The following HS6ST1 variants were observed in gnomAD, a reference collection of about 807,000 sequenced individuals.
The protein encoded by HS6ST1 is heparan-sulfate 6-O-sulfotransferase 1.
Under a neutral mutation model 25.2 loss-of-function variants are expected in HS6ST1, and 3 were observed. The observed-to-expected ratio is 0.12, with a 90% CI of 0.05 to 0.31. HS6ST1 has a LOEUF of 0.31. HS6ST1 is among the 10% of genes least tolerant of loss of function. The pLI, the probability that HS6ST1 is intolerant of heterozygous loss-of-function variation, is 1.00. For missense variants in HS6ST1, 310 were observed against 609.6 expected (o/e 0.51, Z 5.18); for synonymous variants, 204 against 275.1 (o/e 0.74, Z 2.56).
chr2:128,315,608 C>T (rs1437418671), intron 1 of HS6ST1, among the ~76,000 whole-genome samples: 3 of 152,204 alleles, frequency 2.0e-5, no homozygotes, highest in Non-Finnish European at 4.4e-5. Flanking sequence ...TAACATGAGG[C>T]ACCCCAGCAG....
chr2:128,299,965 CCGGG>C (rs1396030827), intron 1 of HS6ST1, among the ~76,000 whole-genome samples: 1 of 152,158 alleles, frequency 6.6e-6, no homozygotes, highest in Non-Finnish European at 1.5e-5. Context: ...CACCTCCAGG[CCGGG>C]GTCTTGCCAG....
Position 128,268,971 on chromosome 2 carries a change from T to C in HS6ST1, c.528-101A>G, listed in dbSNP as rs946328581. On this transcript the variant is annotated intron_variant, in intron 1 of 1. Transcript: ENST00000259241. ...AGTCCCCACTACAGGAGTTTGGGCTTCGCCTCTAATGCCAACCAACTCCTG... is the reference window on the plus strand; with the variant it reads ...AGTCCCCACTACAGGAGTTTGGGCTCCGCCTCTAATGCCAACCAACTCCTG... The C allele has an allele frequency of 4.2e-6, 4 of 963,014 alleles. No homozygotes were observed. The African/African-American group carries it at 6.4e-5, about 15-fold the overall frequency. 59.7% of individuals were successfully genotyped at this position (963,014 alleles called of 1,614,324 possible). A position where few individuals can be genotyped will look rare whatever the true frequency, so the allele number is the denominator to read the frequency against.
intron 1 of HS6ST1, among the ~76,000 whole-genome samples, chr2:128,311,476 G>A (rs1000309956): frequency 9.9e-5 from 15 of 152,162 alleles, no homozygotes; most frequent in Non-Finnish European, 1.3e-4. Flanking sequence ...CCCAGAGCTC[G>A]GCTTCTCATG....
At chr2:128,269,999 G>A (rs1693588210) in intron 1 of HS6ST1, among the ~76,000 whole-genome samples, 1 of 152,204 alleles carries the variant, frequency 6.6e-6, no homozygotes, top group African/African-American at 2.4e-5. Context: ...CTGCAGGGAG[G>A]GAGGCACAGT....
intron 1 of HS6ST1, among the ~76,000 whole-genome samples, chr2:128,307,421 G>A (rs1480054945): frequency 6.6e-6 from 1 of 152,248 alleles, no homozygotes; most frequent in African/African-American, 2.4e-5. Flanking sequence ...AAGATGGGAT[G>A]TACCTGGGCC....
intron 1 of HS6ST1, among the ~76,000 whole-genome samples, chr2:128,275,558 T>TA (rs1222522035): frequency 6.6e-6 from 1 of 152,126 alleles, no homozygotes; most frequent in African/African-American, 2.4e-5. Flanking sequence ...TGAATTACTT[T>TA]AAAAAAATTA....
intron 1 of HS6ST1, among the ~76,000 whole-genome samples, chr2:128,288,895 C>T (rs577980824): frequency 7.2e-4 from 110 of 152,206 alleles, no homozygotes; most frequent in Non-Finnish European, 1.3e-3. Flanking sequence ...CCAGGCTCCA[C>T]CTCCTGCTGA....
At chr2:128,276,719 C>A (rs912753527) in intron 1 of HS6ST1, among the ~76,000 whole-genome samples, 1 of 152,128 alleles carries the variant, frequency 6.6e-6, no homozygotes, top group Non-Finnish European at 1.5e-5. Flanking sequence ...GCCCAGCTGG[C>A]CTTCCAGGTG....
In HS6ST1 at chr2:128,318,303, G is replaced by A. The variant is rs200979099; in HGVS notation, c.261C>T (p.Asp87=). The A allele has an allele frequency of 4.2e-5, 58 of 1,378,488 alleles. No individual in the cohort carries two copies. Among genetic ancestry groups the A allele is most frequent in the Non-Finnish European group, 5.5e-5 (55 of 994,054 alleles). The allele number at this position is 1,378,488 out of a possible 1,614,324, so 85.4% of individuals were successfully genotyped here. ...RSLRFDMKGD[D]VIVFLHIQKT... ...TCTGGATGTGCAGGAAGACGATCAC[G>A]TCGTCGCCCTTCATGTCGAAGCGCA... Residue 87 remains aspartate (D), a synonymous_variant, in exon 1 of 2, where the codon GAC becomes GAT. Transcript: ENST00000259241. This position sits in a 1 kb window ranked among gnomAD's most constrained non-coding sequence, Gnocchi z 5.7.
chr2:128,280,823 G>A (rs1558871106), intron 1 of HS6ST1, among the ~76,000 whole-genome samples: 1 of 152,334 alleles, frequency 6.6e-6, no homozygotes, highest in East Asian at 1.9e-4. Context: ...TTCCTGGGAA[G>A]GCTGTGCTGC....
chr2:128,304,530 C>G (rs1429574285), intron 1 of HS6ST1, among the ~76,000 whole-genome samples: 1 of 85,484 alleles, frequency 1.2e-5, no homozygotes, highest in Non-Finnish European at 2.3e-5. Flanking sequence ...TCGGAGGCTG[C>G]CTTGCTAATG....
intron 1 of HS6ST1, among the ~76,000 whole-genome samples, chr2:128,301,927 C>T (rs529283684): frequency 1.2e-4 from 19 of 152,318 alleles, no homozygotes; most frequent in African/African-American, 4.1e-4. Context: ...CTAGTGGGAA[C>T]AGCTCAGAGG....
chr2:128,306,211 C>A (rs1349279778), intron 1 of HS6ST1, among the ~76,000 whole-genome samples: 1 of 152,236 alleles, frequency 6.6e-6, no homozygotes, highest in African/African-American at 2.4e-5. Context: ...CTCCGCTCCT[C>A]AGCAGGGCTA....
At chr2:128,310,840 A>G (rs983415802) in intron 1 of HS6ST1, among the ~76,000 whole-genome samples, 7 of 152,140 alleles carry the variant, frequency 4.6e-5, no homozygotes, top group Non-Finnish European at 7.3e-5. Context: ...GAACAAAGAG[A>G]TTAGGCCACA....
chr2:128,312,023 CCTT>C (rs764280359), intron 1 of HS6ST1, among the ~76,000 whole-genome samples: 1 of 152,258 alleles, frequency 6.6e-6, no homozygotes, highest in Non-Finnish European at 1.5e-5. Context: ...TGATGCCTGT[CCTT>C]CTGCTCTGAG....
At chr2:128,310,161 G>A (rs1284427975) in intron 1 of HS6ST1, among the ~76,000 whole-genome samples, 4 of 152,216 alleles carry the variant, frequency 2.6e-5, no homozygotes, top group Admixed American at 2.0e-4. Context: ...CCAACACACA[G>A]CCCAGGGCCT....
intron 1 of HS6ST1, among the ~76,000 whole-genome samples, chr2:128,279,089 G>A (rs1039017975): frequency 3.9e-5 from 6 of 152,162 alleles, no homozygotes; most frequent in Admixed American, 6.5e-5. Context: ...AGACGGGGCC[G>A]GCCGCACCAG....
chr2:128,272,285 G>A (rs1693620387), intron 1 of HS6ST1, among the ~76,000 whole-genome samples: 2 of 152,218 alleles, frequency 1.3e-5, no homozygotes. Context: ...GTCTCTGCAT[G>A]GGCCATGCCC....
At chr2:128,306,805 C>T (rs558008083) in intron 1 of HS6ST1, among the ~76,000 whole-genome samples, 1 of 152,286 alleles carries the variant, frequency 6.6e-6, no homozygotes, top group East Asian at 1.9e-4. Flanking sequence ...CAGTGCCCCA[C>T]AGGGACAGCC....
Sources: gnomAD v4.1 joint callset for allele counts (sites outside exome capture counted in the v4.1 genomes callset) on GRCh38, gnomAD v4.1.1 for gene constraint, Gnocchi (gnomAD v3.1) non-coding constraint, MANE v1.5 for transcripts, NCBI Gene and HGNC (gene_info 2026-07-23, HGNC 2026-07-21) for gene names.